The following EML6 variants were observed in gnomAD, a reference collection of about 807,000 sequenced individuals.
EML6 encodes the protein echinoderm microtubule-associated protein-like 6.
Under a neutral mutation model 240.1 loss-of-function variants are expected in EML6, and 154 were observed. The ratio of observed to expected loss-of-function variants is 0.64; its 90% CI spans 0.56 to 0.73. The LOEUF (loss-of-function observed/expected upper bound fraction) is 0.73, where lower values mean the gene tolerates loss of function less well. Among genes scored for constraint, EML6 ranks in the 30% least tolerant of loss-of-function variants. EML6 has a pLI of 0.00. For synonymous variants in EML6, 1,148 were observed against 899.0 expected, an observed-to-expected ratio of 1.28 and a Z score of -4.95; for missense variants, 2,964 against 2,474.6, an observed-to-expected ratio of 1.20 and a Z score of -4.20.
chr2:54,813,408 A>T lies in EML6; in HGVS notation c.357+17A>T, dbSNP rs916085656. 1 of 1,546,830 alleles carries T rather than the reference A, an allele frequency of 6.5e-7. No individual in the cohort carries two copies. The highest frequency in any genetic ancestry group is 8.7e-7 in the Non-Finnish European group (1 of 1,143,606). ...GATGGACAGGTGTGTATCTTTTTTT[A>T]GTTGTTTTATTTAATGACTTCTCAC... On this transcript the variant is annotated intron_variant, in intron 3 of 41. Transcript: ENST00000356458.
intron 10 of EML6, among the ~76,000 whole-genome samples, chr2:54,853,348 GTTTA>G (rs902586688): frequency 6.6e-6 from 1 of 152,096 alleles, no homozygotes; most frequent in Non-Finnish European, 1.5e-5. Context: ...ACATTCATGT[GTTTA>G]TTGGGTACAT....
chr2:54,885,141 A>T (rs1188137561), intron 17 of EML6, among the ~76,000 whole-genome samples: 1 of 150,140 alleles, frequency 6.7e-6, no homozygotes, highest in Non-Finnish European at 1.5e-5. Context: ...TGAGTGACAG[A>T]GTGAGATGCT....
chr2:54,938,531 C>T (rs762465620), intron 28 of EML6, among the ~76,000 whole-genome samples: 2 of 152,180 alleles, frequency 1.3e-5, no homozygotes, highest in Non-Finnish European at 2.9e-5. Context: ...CTACCATCTC[C>T]TCCTGAAACA....
chr2:54,872,130 T>C, intron 16 of EML6, among the ~76,000 whole-genome samples: 1 of 152,226 alleles, frequency 6.6e-6, no homozygotes, highest in African/African-American at 2.4e-5. Context: ...AACTGAAGTT[T>C]TCATCTCCTT....
chr2:54,922,622 C>T (rs1023708149), intron 26 of EML6, among the ~76,000 whole-genome samples: 2 of 152,078 alleles, frequency 1.3e-5, no homozygotes, highest in South Asian at 2.1e-4. Flanking sequence ...TTACAATAGC[C>T]AAGATATGGA....
chr2:54,899,405 T>C (rs1672940469), intron 21 of EML6, among the ~76,000 whole-genome samples: 1 of 152,230 alleles, frequency 6.6e-6, no homozygotes, highest in African/African-American at 2.4e-5. Context: ...AGCAATGAGT[T>C]CATGTTTTGC....
intron 2 of EML6, among the ~76,000 whole-genome samples, chr2:54,744,875 A>G (rs997767824): frequency 4.1e-5 from 6 of 147,862 alleles, no homozygotes; most frequent in Admixed American, 2.7e-4. Flanking sequence ...GAAGGATGGG[A>G]ATGCATGTGT....
intron 2 of EML6, among the ~76,000 whole-genome samples, chr2:54,797,164 C>CAAAAAAA (rs773498648): frequency 0.018 from 775 of 43,780 alleles, 76 homozygotes; most frequent in African/African-American, 0.042. Context: ...GACTCCATCT[C>CAAAAAAA]AAAAAAAAAA....
Position 54,971,849 on chromosome 2 carries a change from T to A in EML6, c.*1754T>A, listed in dbSNP as rs577601549. ...AAAGAGCAATAGTGTCCGTGTGTCA[T>A]GAAAAACTTATTTGTAAACGTTTAT... On this transcript the variant is annotated 3_prime_UTR_variant, in exon 42 of 42. Transcript: ENST00000356458. 1 of 152,378 alleles carries A rather than the reference T, an allele frequency of 6.6e-6. No individual in the cohort carries two copies. The highest frequency in any genetic ancestry group is 2.4e-5 in the African/African-American group (1 of 41,590). 9.4% of individuals were successfully genotyped at this position (152,378 alleles called of 1,614,324 possible).
At position 54,916,887 on chromosome 2, in the gene EML6, C is replaced by A; in HGVS notation, c.3627C>A (p.Ala1209=). The part of the protein sequence containing the change: ...ASLTKDCSLL[A]TGDDFGFVKL... ...TTACCAAAGACTGTTCCCTTTTAGC[C>A]ACCGGAGATGATTTTGGTTTCGTTA... The change falls in exon 26 of 42, where the codon GCC becomes GCA. Residue 1209 remains alanine, a synonymous_variant. Coordinates refer to ENST00000356458, the MANE Select transcript of EML6 (RefSeq NM_001039753.4). 1.9e-6 allele frequency: 3 copies of A among 1,549,000 alleles called. No individual in the cohort carries two copies. The highest frequency in any genetic ancestry group is 1.7e-6 in the Non-Finnish European group (2 of 1,144,758).
chr2:54,760,950 T>C (rs533127506), intron 2 of EML6, among the ~76,000 whole-genome samples: 7 of 151,734 alleles, frequency 4.6e-5, no homozygotes, highest in Non-Finnish European at 7.4e-5. Flanking sequence ...TGATGAATGG[T>C]GACCAATAAT....
At chr2:54,965,305 T>A (rs1351026897) in intron 38 of EML6, among the ~76,000 whole-genome samples, 2 of 152,190 alleles carry the variant, frequency 1.3e-5, no homozygotes, top group African/African-American at 4.8e-5. Flanking sequence ...GGATATTCAC[T>A]GTAAAAGGAG....
rs534906843 is a variant in EML6 at position 54,786,234 on chromosome 2, C to T, written c.198-26998C>T. 1.6e-3 allele frequency among the ~76,000 whole-genome samples: 249 copies of T among 152,220 alleles called. 1 individual carries two copies. Among genetic ancestry groups the T allele is most frequent in the African/African-American group, 5.7e-3 (235 of 41,522 alleles). Reference sequence around the variant, plus strand: ...TTTCCCTGGAAGTTTTCTCTCTGCCCTGTCTTCAAGGAGGGTCATTCCCTA... The same window carrying T: ...TTTCCCTGGAAGTTTTCTCTCTGCCTTGTCTTCAAGGAGGGTCATTCCCTA... On this transcript the variant is annotated intron_variant, in intron 2 of 41. Coordinates refer to ENST00000356458, the MANE Select transcript of EML6 (RefSeq NM_001039753.4).
intron 5 of EML6, among the ~76,000 whole-genome samples, chr2:54,823,850 T>TCTCTCTCTCTCTCTCTCTCTCTCTCTC (rs1553387708): frequency 2.8e-5 from 2 of 72,254 alleles, no homozygotes; most frequent in Non-Finnish European, 5.7e-5. Flanking sequence ...CATTCATTCA[T>TCTCTCTCTCTCTCTCTCTCTCTCTCTC]TCTCTCTCTC....
At position 54,859,672 on chromosome 2, in the gene EML6, G is replaced by A. The variant is rs1670573310; in HGVS notation, c.1796G>A (p.Ser599Asn). ...FQWRFIPEGV[S>N]NGMLETAPQE... ...TGGAGGTTTATTCCAGAAGGTGTCA[G>A]CAACGGCATGCTGGAAACTGCACCC... The change falls in exon 12 of 42, where the codon AGC becomes AAC. Residue 599 changes from serine to asparagine, a missense_variant. Transcript: ENST00000356458. The A allele has an allele frequency of 1.3e-6, 2 of 1,545,840 alleles. No homozygotes were observed. Among genetic ancestry groups the A allele is most frequent in the Non-Finnish European group, 1.7e-6 (2 of 1,145,542 alleles).
chr2:54,883,934 C>T (rs1298819544), intron 17 of EML6, among the ~76,000 whole-genome samples: 2 of 152,166 alleles, frequency 1.3e-5, no homozygotes, highest in Non-Finnish European at 2.9e-5. Context: ...ACAACAAAAG[C>T]TCTCACCCAA....
intron 5 of EML6, among the ~76,000 whole-genome samples, chr2:54,822,460 A>T (rs1055636241): frequency 6.6e-5 from 10 of 152,200 alleles, no homozygotes; most frequent in African/African-American, 2.4e-4. Context: ...AATAGCAAAT[A>T]ACCAAATAGA....
chr2:54,767,802 G>A (rs1054092020), intron 2 of EML6, among the ~76,000 whole-genome samples: 2 of 151,930 alleles, frequency 1.3e-5, no homozygotes, highest in African/African-American at 4.8e-5. Context: ...GTATTTTTTT[G>A]TAGAGATTAA....
chr2:54,954,012 G>A lies in EML6; in HGVS notation c.4342G>A (p.Ala1448Thr), dbSNP rs749359089. ...AACACCTTCCATCCACATATGGGACGCCATGACCAAACACACCCTCTCCAT... is the reference window on the plus strand; with the variant it reads ...AACACCTTCCATCCACATATGGGACACCATGACCAAACACACCCTCTCCAT... ...GTTPSIHIWD[A>T]MTKHTLSMLR... is the part of the protein sequence containing the mutation. Residue 1448 changes from alanine to threonine, a missense_variant, in exon 32 of 42, where the codon GCC becomes ACC. Ala to Thr is a moderately conservative substitution (Grantham distance 58, BLOSUM62 0). Coordinates refer to ENST00000356458, the MANE Select transcript of EML6 (RefSeq NM_001039753.4). The A allele has an allele frequency of 3.2e-6, 5 of 1,551,252 alleles. No individual in the cohort carries two copies. Among genetic ancestry groups the A allele is most frequent in the Admixed American group, 2.0e-5 (1 of 50,904 alleles).
Sources: allele counts gnomAD v4.1 joint callset (sites outside exome capture counted in the v4.1 genomes callset), GRCh38; gene constraint gnomAD v4.1.1; transcripts MANE v1.5; gene names NCBI Gene and HGNC (gene_info 2026-07-23, HGNC 2026-07-21).